The following SYNM variants were observed in gnomAD, a reference collection of about 807,000 sequenced individuals.
SYNM encodes synemin, also known as desmuslin.
A neutral mutation model predicts 104.0 loss-of-function variants in SYNM; 95 were observed. The observed-to-expected ratio is 0.91, with a 90% confidence interval of 0.77 to 1.08. The LOEUF (loss-of-function observed/expected upper bound fraction) is 1.08, where lower values mean the gene tolerates loss of function less well. SYNM is among the 50% of genes least tolerant of loss of function. The pLI is 0.00. For synonymous variants in SYNM, 918 were observed against 869.0 expected (o/e 1.06, Z -0.99); for missense variants, 2,150 against 2,052.2 (o/e 1.05, Z -0.92).
intron 2 of SYNM, among the ~76,000 whole-genome samples, chr15:99,124,381 C>T (rs1004681239): frequency 6.6e-6 from 1 of 152,180 alleles, no homozygotes; most frequent in South Asian, 2.1e-4. Context: ...CTACCCAAAG[C>T]ATGAACTCAA....
rs372136692 is a variant in SYNM, at chr15:99,105,235, G to T, written c.36G>T (p.Lys12Asn). 1.9e-6 allele frequency: 3 copies of T among 1,574,294 alleles called. No individual in the cohort carries two copies. Among genetic ancestry groups the T allele is most frequent in the African/African-American group, 1.3e-5 (1 of 74,218 alleles). ...LSWRLQTGPE[K>N]AELQELNARL... ...GGCGGCTGCAGACGGGCCCCGAGAA[G>T]GCCGAGCTCCAGGAGCTCAACGCCC... is the stretch of plus-strand genomic sequence containing the variant. Residue 12 changes from lysine (K) to asparagine (N), a missense_variant, in exon 1 of 4, where the codon AAG (lysine) becomes AAT (asparagine). Coordinates refer to ENST00000336292, the MANE Select transcript of SYNM (RefSeq NM_145728.3).
At chr15:99,115,419 AT>A (rs36135560) in intron 2 of SYNM, among the ~76,000 whole-genome samples, 10 of 146,306 alleles carry the variant, frequency 6.8e-5, no homozygotes, top group African/African-American at 2.5e-4. Flanking sequence ...TTTTTTTTTC[AT>A]TTTTTTTATT....
chr15:99,112,465 A>G (rs570516852), intron 1 of SYNM, among the ~76,000 whole-genome samples: 5 of 152,330 alleles, frequency 3.3e-5, no homozygotes, highest in African/African-American at 9.6e-5. Flanking sequence ...TTCAAATAGT[A>G]CATTTTGAGG....
Position 99,131,689 on chromosome 15 carries a change from G to A in SYNM, c.3329G>A (p.Gly1110Asp). 1 of 1,613,184 alleles carries A rather than the reference G, an allele frequency of 6.2e-7. No homozygotes were observed. The highest frequency in any genetic ancestry group is 1.3e-5 in the African/African-American group (1 of 75,054). ...SATVEVSSPT[G>D]FAQSQVLEDV... ...ACTGTGGAGGTCAGCAGCCCCACAG[G>A]CTTTGCCCAGTCACAGGTGCTGGAG... is the stretch of plus-strand genomic sequence containing the variant. The change falls in exon 4 of 4, where the codon GGC becomes GAC. Residue 1110 changes from glycine to aspartate, a missense_variant. By Grantham distance (94) the Gly-to-Asp change is moderately conservative. Coordinates refer to ENST00000336292, the MANE Select transcript of SYNM (RefSeq NM_145728.3). This position sits in a 1 kb window ranked among gnomAD's most constrained non-coding sequence, Gnocchi z 4.3.
intron 1 of SYNM, among the ~76,000 whole-genome samples, chr15:99,112,966 C>T (rs2067313801): frequency 6.6e-6 from 1 of 152,222 alleles, no homozygotes; most frequent in African/African-American, 2.4e-5. Context: ...CCGCTTCGGC[C>T]TCCCAAAGTG....
intron 2 of SYNM, among the ~76,000 whole-genome samples, chr15:99,118,400 C>T (rs1253082152): frequency 6.6e-6 from 1 of 152,214 alleles, no homozygotes; most frequent in Non-Finnish European, 1.5e-5. Context: ...CAAACCTTGA[C>T]CCACCTGTGG....
Position 99,105,162 on chromosome 15 carries a change from G to A in SYNM, c.-38G>A, listed in dbSNP as rs2067217386. The A allele has an allele frequency of 6.4e-7, 1 of 1,555,380 alleles. No individual in the cohort carries two copies. The highest frequency in any genetic ancestry group is 8.6e-7 in the Non-Finnish European group (1 of 1,156,504). ...ACCGGGACAAGACCAGGGCAGGAGG[G>A]AGCCGGCCAGCCGCGAGAACCCCGC... On this transcript the variant is annotated 5_prime_UTR_variant, in exon 1 of 4. Coordinates refer to ENST00000336292, the MANE Select transcript of SYNM (RefSeq NM_145728.3).
chr15:99,132,233 C>T lies in SYNM; in HGVS notation c.3873C>T (p.Val1291=), dbSNP rs2067517645. ...APLSDKVELG[V]IGDSVHMEGL... ...TTTCAGACAAGGTGGAGTTGGGTGTCATAGGAGATTCTGTACACATGGAAG... is the reference window on the plus strand; with the variant it reads ...TTTCAGACAAGGTGGAGTTGGGTGTTATAGGAGATTCTGTACACATGGAAG... Residue 1291 remains valine (V), a synonymous_variant, in exon 4 of 4, where the codon GTC becomes GTT. Transcript: ENST00000336292. The T allele has an allele frequency of 6.2e-7, 1 of 1,611,338 alleles. No homozygotes were observed. Among genetic ancestry groups the T allele is most frequent in the African/African-American group, 1.3e-5 (1 of 74,788 alleles).
intron 2 of SYNM, among the ~76,000 whole-genome samples, chr15:99,124,349 G>A (rs1555484851): frequency 6.6e-6 from 1 of 152,226 alleles, no homozygotes; most frequent in African/African-American, 2.4e-5. Context: ...GAAGGAGGGT[G>A]GCTGCCATTG....
At position 99,115,542 on chromosome 15, in the gene SYNM, G is replaced by T. The variant is rs756938138; in HGVS notation, c.935+1827G>T. ...TGCAGTGGCACGAGCTCAGCTCACT[G>T]CAACCTCCGCCTCCTGGGTTCAAGC... On this transcript the variant is annotated intron_variant, in intron 2 of 3. Coordinates refer to ENST00000336292, the MANE Select transcript of SYNM (RefSeq NM_145728.3). 2.3e-3 allele frequency among the ~76,000 whole-genome samples: 327 copies of T among 141,876 alleles called. 1 individual carries two copies. The highest frequency in any genetic ancestry group is 4.5e-3 in the Middle Eastern group (1 of 222). 93.1% of individuals were successfully genotyped at this position (141,876 alleles called of 152,430 possible). A position where few individuals can be genotyped will look rare whatever the true frequency, so the allele number is the denominator to read the frequency against.
rs2067560910 is a variant in SYNM at position 99,135,401 on chromosome 15, A to T, written c.*2343A>T. On this transcript the variant is annotated 3_prime_UTR_variant, in exon 4 of 4. Transcript: ENST00000336292. ...GCCGGAACACAACCAGTCTTTTTGTATTTATTGTTACTGAGACAAAACAGT... is the reference window on the plus strand; with the variant it reads ...GCCGGAACACAACCAGTCTTTTTGTTTTTATTGTTACTGAGACAAAACAGT... 6.6e-6 allele frequency: 1 copy of T among 152,540 alleles called. No homozygotes were observed. Among genetic ancestry groups the T allele is most frequent in the South Asian group, 2.1e-4 (1 of 4,834 alleles). 9.4% of individuals were successfully genotyped at this position (152,540 alleles called of 1,614,324 possible).
chr15:99,141,405 G>A, the SYNM span, among the ~76,000 whole-genome samples: 168 of 152,226 alleles, frequency 1.1e-3, 3 homozygotes, highest in African/African-American at 3.7e-3. Context: ...GCATGGGAAT[G>A]ATATCAAATT....
rs1413034706 is a variant in SYNM, at chr15:99,118,056, C to T, written c.935+4341C>T. Among the ~76,000 whole-genome samples, 3 of 152,206 alleles carry T rather than the reference C, an allele frequency of 2.0e-5. No homozygotes were observed. The East Asian group carries it at 5.8e-4, about 29-fold the overall frequency. On this transcript the variant is annotated intron_variant, in intron 2 of 3. Coordinates refer to ENST00000336292, the MANE Select transcript of SYNM (RefSeq NM_145728.3). ...CCCTGCCAGGAGCTTGCCTGACAGG[C>T]CCTGCCCCGCTGCAGACTCCCAGCC...
Position 99,131,181 on chromosome 15 carries a change from TC to T in SYNM, c.2823del (p.Ser942ProfsTer23). The T allele has an allele frequency of 6.2e-7, 1 of 1,606,986 alleles. No homozygotes were observed. The highest frequency in any genetic ancestry group is 8.5e-7 in the Non-Finnish European group (1 of 1,176,654). The part of the protein sequence containing the change: ...HEFHTSMKGI[S>X]SKEPRQQLVE... ...ATTCCACACCTCCATGAAGGGCATC[TC>T]CTCCAAGGAGCCCCGGCAGCAGCTG... On this transcript the variant is annotated frameshift_variant, in exon 4 of 4. Coordinates refer to ENST00000336292, the MANE Select transcript of SYNM (RefSeq NM_145728.3). LOFTEE classifies it high-confidence loss of function. This position sits in a 1 kb window ranked among gnomAD's most constrained non-coding sequence, Gnocchi z 4.3.
chr15:99,132,820 G>A lies in SYNM; in HGVS notation c.4460G>A (p.Arg1487His), dbSNP rs530141940. Reference protein sequence around the residue: ...QEAGALGVSDRGSWRDADSRN... With the variant: ...QEAGALGVSDHGSWRDADSRN... Reference sequence around the variant, plus strand: ...GCGGGAGCTCTCGGTGTGTCTGACCGTGGTTCCTGGAGAGACGCGGACAGT... The same window carrying A: ...GCGGGAGCTCTCGGTGTGTCTGACCATGGTTCCTGGAGAGACGCGGACAGT... Residue 1487 changes from arginine (R) to histidine (H), a missense_variant, in exon 4 of 4, where the codon CGT (arginine) becomes CAT (histidine). Arg to His is a conservative substitution (Grantham distance 29). Transcript: ENST00000336292. 1.4e-5 allele frequency: 23 copies of A among 1,613,688 alleles called. No homozygotes were observed. Among genetic ancestry groups the A allele is most frequent in the East Asian group, 1.3e-4 (6 of 44,868 alleles).
At position 99,135,509 on chromosome 15, in the gene SYNM, G is replaced by A. The variant is rs563976783; in HGVS notation, c.*2451G>A. ...GTATATTTAGAATGACATCATCTAA[G>A]AAGCTGATTTTGCTAAACTCCTGTT... On this transcript the variant is annotated 3_prime_UTR_variant, in exon 4 of 4. Transcript: ENST00000336292. The A allele has an allele frequency of 6.5e-6, 1 of 152,718 alleles. No individual in the cohort carries two copies. The highest frequency in any genetic ancestry group is 6.5e-5 in the Admixed American group (1 of 15,302). 9.5% of individuals were successfully genotyped at this position (152,718 alleles called of 1,614,324 possible). A position where few individuals can be genotyped will look rare whatever the true frequency, so the allele number is the denominator to read the frequency against.
intron 2 of SYNM, among the ~76,000 whole-genome samples, chr15:99,126,212 A>G (rs2067445863): frequency 6.6e-6 from 1 of 152,160 alleles, no homozygotes; most frequent in African/African-American, 2.4e-5. Context: ...CCACAGATGC[A>G]GTCTGGCTGC....
intron 2 of SYNM, among the ~76,000 whole-genome samples, chr15:99,118,475 C>T (rs1303183277): frequency 6.6e-6 from 1 of 152,160 alleles, no homozygotes; most frequent in Non-Finnish European, 1.5e-5. Context: ...TTCTCATTCA[C>T]ATGCAAGGGA....
intron 1 of SYNM, among the ~76,000 whole-genome samples, chr15:99,109,243 A>AC (rs2067278520): frequency 6.6e-6 from 1 of 152,316 alleles, no homozygotes; most frequent in East Asian, 1.9e-4. Context: ...AGTTTGCTGA[A>AC]CTGACATCCA....
Sources: gnomAD v4.1 joint callset for allele counts (sites outside exome capture counted in the v4.1 genomes callset) on GRCh38, gnomAD v4.1.1 for gene constraint, Gnocchi (gnomAD v3.1) non-coding constraint, MANE v1.5 for transcripts, NCBI Gene and HGNC (gene_info 2026-07-23, HGNC 2026-07-21) for gene names.